The following PTPRD variants were observed in gnomAD, a reference collection of about 807,000 sequenced individuals.
PTPRD encodes protein tyrosine phosphatase receptor type D, also known as receptor-type tyrosine-protein phosphatase delta.
Under a neutral mutation model 214.5 loss-of-function variants are expected in PTPRD, and 34 were observed. That is an observed-to-expected ratio of 0.16 (90% CI 0.12 to 0.21). The LOEUF (loss-of-function observed/expected upper bound fraction) is 0.21. PTPRD is among the 10% of genes least tolerant of loss of function. The pLI is 1.00. For synonymous variants in PTPRD, 1,128 were observed against 845.7 expected, an observed-to-expected ratio of 1.33 and a Z score of -5.79; for missense variants, 2,545 against 2,398.7, an observed-to-expected ratio of 1.06 and a Z score of -1.27.
Position 8,933,034 on chromosome 9 carries a change from G to A in PTPRD, c.-104+85663C>T, listed in dbSNP as rs146809757. On this transcript the variant is annotated intron_variant, in intron 11 of 45. Coordinates refer to ENST00000381196, the MANE Select transcript of PTPRD (RefSeq NM_002839.4). ...GAGAATCTCCTGGTCTACAGGTTGCGAAGACCATGGGAAAAGCATAGTATC... is the reference window on the plus strand; with the variant it reads ...GAGAATCTCCTGGTCTACAGGTTGCAAAGACCATGGGAAAAGCATAGTATC... 2.3e-3 allele frequency among the ~76,000 whole-genome samples: 352 copies of A among 152,172 alleles called. 2 individuals carry two copies. Among genetic ancestry groups the A allele is most frequent in the South Asian group, 8.7e-3 (42 of 4,818 alleles).
At chr9:10,554,589 C>T (rs899443966) in intron 2 of PTPRD, among the ~76,000 whole-genome samples, 2 of 152,038 alleles carry the variant, frequency 1.3e-5, no homozygotes, top group East Asian at 1.9e-4. Flanking sequence ...TATTATTTGA[C>T]CTTTGCTATT....
At chr9:10,341,592 G>A (rs12554950) in intron 2 of PTPRD, among the ~76,000 whole-genome samples, 18,298 of 151,902 alleles carry the variant, frequency 0.12, 1,517 homozygotes, top group Admixed American at 0.25. Context: ...TTGTAGAATG[G>A]TCAGTATGCA....
chr9:10,525,590 A>C (rs1363830524), intron 2 of PTPRD, among the ~76,000 whole-genome samples: 1 of 152,114 alleles, frequency 6.6e-6, no homozygotes, highest in Non-Finnish European at 1.5e-5. Flanking sequence ...TTATTGTCTT[A>C]CTTCAGAGTC....
intron 10 of PTPRD, among the ~76,000 whole-genome samples, chr9:9,084,967 G>C (rs1409127140): frequency 6.6e-6 from 1 of 152,058 alleles, no homozygotes; most frequent in Non-Finnish European, 1.5e-5. Flanking sequence ...CACAGACAGG[G>C]AAAGATTATT....
chr9:9,139,362 T>A (rs1446812730), intron 10 of PTPRD, among the ~76,000 whole-genome samples: 1 of 152,190 alleles, frequency 6.6e-6, no homozygotes, highest in African/African-American at 2.4e-5. Flanking sequence ...TTGTTTCAGT[T>A]ATAGTCCCAG....
chr9:8,371,885 G>T (rs1023357062), intron 39 of PTPRD, among the ~76,000 whole-genome samples: 2 of 151,992 alleles, frequency 1.3e-5, no homozygotes, highest in Non-Finnish European at 2.9e-5. Context: ...GTAGCTATCA[G>T]AAGATGGCCC....
chr9:8,994,219 G>A (rs1393320115), intron 11 of PTPRD, among the ~76,000 whole-genome samples: 1 of 151,986 alleles, frequency 6.6e-6, no homozygotes, highest in East Asian at 1.9e-4. Context: ...TAAATAACTT[G>A]CTTAATTTGA....
At chr9:9,100,992 AT>A (rs1000069232) in intron 10 of PTPRD, among the ~76,000 whole-genome samples, 3 of 152,124 alleles carry the variant, frequency 2.0e-5, no homozygotes, top group African/African-American at 7.2e-5. Flanking sequence ...TATTTTGTTA[AT>A]TTTTATCATA....
At chr9:10,543,342 T>C (rs2059528487) in intron 2 of PTPRD, among the ~76,000 whole-genome samples, 1 of 152,186 alleles carries the variant, frequency 6.6e-6, no homozygotes, top group African/African-American at 2.4e-5. Context: ...TATAACAATC[T>C]AATTAAAATA....
intron 3 of PTPRD, among the ~76,000 whole-genome samples, chr9:10,300,819 G>C (rs1208780603): frequency 6.6e-6 from 1 of 152,154 alleles, no homozygotes; most frequent in Non-Finnish European, 1.5e-5. Flanking sequence ...CCTGGGGGAA[G>C]GGGCGGCTGT....
Position 8,704,045 on chromosome 9 carries a change from T to C in PTPRD, c.64+29735A>G, listed in dbSNP as rs74703565. ...TGAGGAAATAATTTACTTCCTCTTG[T>C]TTATTCAACCTGCCTACATATTTCT... On this transcript the variant is annotated intron_variant, in intron 12 of 45. Transcript: ENST00000381196. 1.4e-4 allele frequency among the ~76,000 whole-genome samples: 22 copies of C among 152,280 alleles called. 1 individual carries two copies. In the East Asian group the frequency reaches 3.9e-3, roughly 27 times the overall value.
intron 22 of PTPRD, among the ~76,000 whole-genome samples, chr9:8,505,890 G>C (rs1028415708): frequency 6.6e-6 from 1 of 152,080 alleles, no homozygotes; most frequent in Non-Finnish European, 1.5e-5. Flanking sequence ...TTTGGTGGTC[G>C]TGATGAAGGT....
At chr9:10,271,475 AAG>A (rs1300068265) in intron 3 of PTPRD, among the ~76,000 whole-genome samples, 3 of 33,834 alleles carry the variant, frequency 8.9e-5, no homozygotes, top group Non-Finnish European at 4.3e-4. Context: ...TAATTATCTC[AAG>A]TGTTTTCTTA....
chr9:9,609,497 C>T (rs2094396202), intron 7 of PTPRD, among the ~76,000 whole-genome samples: 1 of 152,214 alleles, frequency 6.6e-6, no homozygotes, highest in Non-Finnish European at 1.5e-5. Flanking sequence ...GAGTCTCGCT[C>T]TGTAGCCCAG....
intron 3 of PTPRD, among the ~76,000 whole-genome samples, chr9:10,186,004 G>T (rs926882289): frequency 6.6e-6 from 1 of 152,070 alleles, no homozygotes; most frequent in Non-Finnish European, 1.5e-5. Context: ...AATGGCTCAG[G>T]TTTGAGAGGT....
At chr9:10,504,821 C>A (rs1384622728) in intron 2 of PTPRD, among the ~76,000 whole-genome samples, 1 of 152,196 alleles carries the variant, frequency 6.6e-6, no homozygotes, top group Non-Finnish European at 1.5e-5. Context: ...GACTACCCCA[C>A]ATGCCTTCTC....
intron 12 of PTPRD, among the ~76,000 whole-genome samples, chr9:8,645,768 G>A (rs1283917209): frequency 6.6e-6 from 1 of 151,912 alleles, no homozygotes; most frequent in Non-Finnish European, 1.5e-5. Context: ...CTGCTTGAAA[G>A]ATTACCTTCC....
chr9:9,181,961 T>C (rs1376474620), intron 10 of PTPRD, among the ~76,000 whole-genome samples: 1 of 151,990 alleles, frequency 6.6e-6, no homozygotes, highest in African/African-American at 2.4e-5. Context: ...CTATACAAAT[T>C]GCTGAAACAT....
At chr9:10,046,796 A>C (rs746791497) in intron 3 of PTPRD, among the ~76,000 whole-genome samples, 4 of 151,976 alleles carry the variant, frequency 2.6e-5, no homozygotes, top group Non-Finnish European at 5.9e-5. Flanking sequence ...TTCTATAGTG[A>C]AGACAAGTTA....
Sources: allele counts gnomAD v4.1 joint callset (sites outside exome capture counted in the v4.1 genomes callset), GRCh38; gene constraint gnomAD v4.1.1; transcripts MANE v1.5; gene names NCBI Gene and HGNC (gene_info 2026-07-23, HGNC 2026-07-21).